The following MKLN1 variants were observed in gnomAD, a reference collection of about 807,000 sequenced individuals.
MKLN1 encodes the protein muskelin 1, also known as muskelin.
MKLN1 carries 18 observed loss-of-function variants against 99.0 expected under a neutral mutation model. The ratio of observed to expected loss-of-function variants is 0.18; its 90% CI spans 0.13 to 0.27. MKLN1 has a LOEUF of 0.27. MKLN1 is among the 10% of genes least tolerant of loss of function. The pLI is 1.00. For missense variants in MKLN1, 621 were observed against 875.9 expected, an observed-to-expected ratio of 0.71 and a Z score of 3.67; for synonymous variants, 288 against 293.2, an observed-to-expected ratio of 0.98 and a Z score of 0.18.
intron 2 of MKLN1, among the ~76,000 whole-genome samples, chr7:131,385,693 T>A (rs1436767470): frequency 1.3e-5 from 2 of 152,154 alleles, no homozygotes; most frequent in Non-Finnish European, 2.9e-5. Context: ...ATTCAGGTCC[T>A]TTATCTGTTT....
intron 3 of MKLN1, chr7:131,242,452 C>A: frequency 4.9e-6 from 1 of 205,774 alleles, no homozygotes; most frequent in Non-Finnish European, 9.9e-6. Context: ...GTGAGGATCC[C>A]TTGAGCCCAG....
intron 6 of MKLN1, among the ~76,000 whole-genome samples, chr7:131,403,263 A>G (rs890930346): frequency 6.6e-6 from 1 of 152,150 alleles, no homozygotes; most frequent in Non-Finnish European, 1.5e-5. Context: ...AACTTCATGA[A>G]CCAACCTCTG....
intron 14 of MKLN1, 37 bp from the exon 15 acceptor site, chr7:131,466,239 G>C: frequency 6.6e-7 from 1 of 1,510,568 alleles, no homozygotes; most frequent in Non-Finnish European, 9.0e-7. Context: ...GGGTATGCAT[G>C]CATTTTTAAA....
chr7:131,446,021 A>G (rs542800209), intron 12 of MKLN1, 118 bp downstream of exon 12: 4 of 602,288 alleles, frequency 6.6e-6, no homozygotes, highest in Non-Finnish European at 1.0e-5. Flanking sequence ...TTAATTGAGT[A>G]ATTCCAAGTA....
intron 12 of MKLN1, among the ~76,000 whole-genome samples, chr7:131,459,163 A>G (rs980658457): frequency 3.3e-5 from 5 of 152,220 alleles, no homozygotes; most frequent in Non-Finnish European, 5.9e-5. Context: ...GGGAAACCCA[A>G]CAAGGCCCGT....
chr7:131,362,057 T>TATATATATATATATATATAA, intron 1 of MKLN1, among the ~76,000 whole-genome samples: 1 of 152,226 alleles, frequency 6.6e-6, no homozygotes, highest in East Asian at 1.9e-4. Context: ...AGTTTGATTA[T>TATATATATATATATATATAA]ATATACAGTC....
chr7:131,173,521 C>T (rs181531575), intron 2 of MKLN1, among the ~76,000 whole-genome samples: 2 of 152,260 alleles, frequency 1.3e-5, no homozygotes, highest in East Asian at 3.9e-4. Context: ...GAGTTTGAGA[C>T]GAGCTTGGCC....
intron 3 of MKLN1, among the ~76,000 whole-genome samples, chr7:131,272,317 A>T (rs2116559749): frequency 6.6e-6 from 1 of 152,388 alleles, no homozygotes; most frequent in African/African-American, 2.4e-5. Context: ...AGGCAAAGCA[A>T]ACAGTATGTG....
chr7:131,142,160 C>T (rs1036247948), intron 1 of MKLN1, among the ~76,000 whole-genome samples: 1 of 152,036 alleles, frequency 6.6e-6, no homozygotes, highest in African/African-American at 2.4e-5. Flanking sequence ...GTAATCCCAA[C>T]ACTGGGAGGT....
chr7:131,225,338 C>T (rs1797131130), intron 3 of MKLN1, among the ~76,000 whole-genome samples: 1 of 152,144 alleles, frequency 6.6e-6, no homozygotes, highest in African/African-American at 2.4e-5. Flanking sequence ...TATAAGGGTA[C>T]TAATCAGAGC....
intron 2 of MKLN1, among the ~76,000 whole-genome samples, chr7:131,181,136 G>A (rs1419117297): frequency 6.6e-6 from 1 of 152,128 alleles, no homozygotes; most frequent in Non-Finnish European, 1.5e-5. Context: ...AGCAGAGCAT[G>A]GTGTCACAGG....
chr7:131,455,111 CT>C (rs1796295051), intron 12 of MKLN1, among the ~76,000 whole-genome samples: 1 of 152,156 alleles, frequency 6.6e-6, no homozygotes, highest in South Asian at 2.1e-4. Flanking sequence ...GAAAACTGTT[CT>C]TTTCCTTTGT....
intron 2 of MKLN1, among the ~76,000 whole-genome samples, chr7:131,192,731 G>A (rs1796586736): frequency 6.6e-6 from 1 of 151,610 alleles, no homozygotes; most frequent in African/African-American, 2.4e-5. Context: ...TAGTACAGAT[G>A]GGGTTTCACC....
rs1797552958 is a variant in MKLN1, at chr7:131,496,127, A to G, written c.*8399A>G. 2 of 152,204 alleles carry G rather than the reference A, an allele frequency of 1.3e-5. No individual in the cohort carries two copies. The highest frequency in any genetic ancestry group is 4.1e-4 in the South Asian group (2 of 4,830). The allele number at this position is 152,204 out of a possible 1,614,324, so 9.4% of individuals were successfully genotyped here. ...TTCACACATTTTGCACCTCAGTAGT[A>G]TTTCAGATGAGACTCAATGTGTGGA... is the stretch of plus-strand genomic sequence containing the variant. On this transcript the variant is annotated 3_prime_UTR_variant, in exon 18 of 18. Coordinates refer to ENST00000352689, the MANE Select transcript of MKLN1 (RefSeq NM_013255.5).
At chr7:131,442,414 G>A (rs143168729) in intron 10 of MKLN1, among the ~76,000 whole-genome samples, 1 of 152,082 alleles carries the variant, frequency 6.6e-6, no homozygotes. Flanking sequence ...TGGCGTGGTG[G>A]CATATGCTGG....
intron 15 of MKLN1, among the ~76,000 whole-genome samples, chr7:131,467,956 G>A (rs1796705653): frequency 6.6e-6 from 1 of 152,148 alleles, no homozygotes; most frequent in Non-Finnish European, 1.5e-5. Context: ...AACATTTGGT[G>A]AAAAGACTTG....
intron 3 of MKLN1, among the ~76,000 whole-genome samples, chr7:131,281,419 C>T (rs1206489644): frequency 6.6e-6 from 1 of 152,042 alleles, no homozygotes; most frequent in African/African-American, 2.4e-5. Context: ...TGCCTTATGT[C>T]GTGATTACTG....
chr7:131,286,528 A>G (rs1563279482), intron 3 of MKLN1, among the ~76,000 whole-genome samples: 1 of 152,190 alleles, frequency 6.6e-6, no homozygotes, highest in Non-Finnish European at 1.5e-5. Context: ...AATTGTTTCC[A>G]GGAAGCACTG....
At chr7:131,334,589 T>C (rs552560186) in intron 1 of MKLN1, among the ~76,000 whole-genome samples, 1 of 152,316 alleles carries the variant, frequency 6.6e-6, no homozygotes, top group Admixed American at 6.5e-5. Flanking sequence ...TTATGTACAA[T>C]TTTTTGGGCA....
Sources: allele counts gnomAD v4.1 joint callset (sites outside exome capture counted in the v4.1 genomes callset), GRCh38; gene constraint gnomAD v4.1.1; transcripts MANE v1.5; gene names NCBI Gene and HGNC (gene_info 2026-07-23, HGNC 2026-07-21).